Variants in SYNE1 observed in about 807,000 individuals in gnomAD.
SYNE1 encodes spectrin repeat containing nuclear envelope protein 1, also known as nesprin-1.
Under a neutral mutation model 1,111.0 loss-of-function variants are expected in SYNE1, and 616 were observed. That is an observed-to-expected ratio of 0.55 (90% CI 0.52 to 0.59). SYNE1 has a LOEUF of 0.59. SYNE1 is among the 20% of genes least tolerant of loss of function. The pLI, the probability that SYNE1 is intolerant of heterozygous loss-of-function variation, is 0.00. For synonymous variants in SYNE1, 3,855 were observed against 3,825.8 expected, an observed-to-expected ratio of 1.01 and a Z score of -0.28; for missense variants, 10,006 against 10,417.0, an observed-to-expected ratio of 0.96 and a Z score of 1.72.
In SYNE1 at chr6:152,603,307, T is replaced by C. The variant is rs189095150; in HGVS notation, c.67+24958A>G. Among the ~76,000 whole-genome samples, 662 of 152,316 alleles carry C rather than the reference T, an allele frequency of 4.3e-3. 6 individuals are homozygous for C. The highest frequency in any genetic ancestry group is 0.014 in the African/African-American group (585 of 41,570). On this transcript the variant is annotated intron_variant, in intron 3 of 145. Coordinates refer to ENST00000367255, the MANE Select transcript of SYNE1 (RefSeq NM_182961.4). ...GGGAGACTTTTTTGGCCTCCCTCCC[T>C]GATTTCCACGCCATATTCTGCAACA... is the stretch of plus-strand genomic sequence containing the variant.
chr6:152,206,207 C>A lies in SYNE1; in HGVS notation c.22980G>T (p.Arg7660=). 1 of 1,613,766 alleles carries A rather than the reference C, an allele frequency of 6.2e-7. No individual in the cohort carries two copies. The highest frequency in any genetic ancestry group is 8.5e-7 in the Non-Finnish European group (1 of 1,180,022). The part of the protein sequence containing the change: ...IQEKWKSASM[R]LEEQKKKLAF... ...CTAGTTTTTTCTTCTGTTCTTCCAG[C>A]CGCATGCTGGCTGATTTCCATTTCT... Residue 7660 remains arginine (R), a synonymous_variant, in exon 126 of 146, where the codon CGG becomes CGT. Coordinates refer to ENST00000367255, the MANE Select transcript of SYNE1 (RefSeq NM_182961.4).
rs370421580 is a variant in SYNE1 at position 152,149,519 on chromosome 6, G to A, written c.24600C>T (p.Phe8200=). 25 of 1,614,132 alleles carry A rather than the reference G, an allele frequency of 1.5e-5. No homozygotes were observed. Among genetic ancestry groups the A allele is most frequent in the South Asian group, 2.2e-5 (2 of 91,078 alleles). Residue 8200 remains phenylalanine (F), a synonymous_variant, in exon 136 of 146, where the codon TTC becomes TTT. Coordinates refer to ENST00000367255, the MANE Select transcript of SYNE1 (RefSeq NM_182961.4). The part of the protein sequence containing the change: ...DELRRYCQEV[F]GRVERYHKKL... ...TCTTATGGTATCTTTCCACACGCCC[G>A]AAGACCTCCTGGCAGTACCGTCGGA...
rs200854314 is a variant in SYNE1 at position 152,145,517 on chromosome 6, G to A, written c.24977-1752C>T. Reference sequence around the variant, plus strand: ...GTATTTTTGATTGCATTTTCTGTGAGTTTTACATAGGCCTCAGGGCTTTCG... The same window carrying A: ...GTATTTTTGATTGCATTTTCTGTGAATTTTACATAGGCCTCAGGGCTTTCG... On this transcript the variant is annotated intron_variant, in intron 137 of 145. Transcript: ENST00000367255. The A allele has an allele frequency of 6.6e-5, 106 of 1,614,094 alleles. No individual in the cohort carries two copies. Among genetic ancestry groups the A allele is most frequent in the Non-Finnish European group, 7.0e-5 (83 of 1,180,016 alleles).
At chr6:152,302,266 A>G in intron 91 of SYNE1, 1 of 681,356 alleles carries the variant, frequency 1.5e-6, no homozygotes, top group Non-Finnish European at 2.5e-6. Flanking sequence ...GGCACAGCCA[A>G]AGTGCCCGAG....
intron 6 of SYNE1, among the ~76,000 whole-genome samples, chr6:152,511,410 T>A (rs1394740021): frequency 6.6e-6 from 1 of 152,246 alleles, no homozygotes; most frequent in South Asian, 2.1e-4. Flanking sequence ...AAAAAAAATG[T>A]TATTATTTAT....
intron 2 of SYNE1, 68 bp from the exon 3 acceptor site, chr6:152,628,622 G>A: frequency 2.6e-6 from 1 of 387,966 alleles, no homozygotes; most frequent in Non-Finnish European, 4.7e-6. Flanking sequence ...AGTGCTAAAA[G>A]GAGAAATATT....
In SYNE1 at chr6:152,575,827, G is replaced by A. The variant is rs1332887160; in HGVS notation, c.68-35806C>T. Among the ~76,000 whole-genome samples the A allele has an allele frequency of 3.3e-5, 5 of 152,166 alleles. No homozygotes were observed. In the East Asian group the frequency reaches 9.7e-4, roughly 29 times the overall value. On this transcript the variant is annotated intron_variant, in intron 3 of 145. Transcript: ENST00000367255. The stretch of plus-strand genomic sequence containing the variant: ...ATGCAAAACACATAGCACAGTGCCT[G>A]GAATGTAATAGGCATTTAATGCATG...
intron 4 of SYNE1, among the ~76,000 whole-genome samples, chr6:152,532,205 C>T (rs2099206192): frequency 6.6e-6 from 1 of 152,130 alleles, no homozygotes; most frequent in Non-Finnish European, 1.5e-5. Flanking sequence ...CCGTATTGAC[C>T]AATATCATGC....
At chr6:152,513,530 T>C (rs1408841166) in intron 6 of SYNE1, among the ~76,000 whole-genome samples, 1 of 152,114 alleles carries the variant, frequency 6.6e-6, no homozygotes, top group Non-Finnish European at 1.5e-5. Context: ...GATGAAGTTT[T>C]GCCATGTTGG....
chr6:152,583,871 G>A (rs2099528524), intron 3 of SYNE1, among the ~76,000 whole-genome samples: 1 of 152,222 alleles, frequency 6.6e-6, no homozygotes, highest in South Asian at 2.1e-4. Context: ...TGGACTGGAG[G>A]TGAGGAGTCC....
intron 125 of SYNE1, among the ~76,000 whole-genome samples, chr6:152,207,753 G>A (rs1238950796): frequency 6.6e-6 from 1 of 152,210 alleles, no homozygotes; most frequent in Non-Finnish European, 1.5e-5. Flanking sequence ...AGTGTGTGAA[G>A]TGTAAGCAGC....
At chr6:152,215,785 G>A (rs1357592048) in intron 121 of SYNE1, among the ~76,000 whole-genome samples, 2 of 152,184 alleles carry the variant, frequency 1.3e-5, no homozygotes, top group East Asian at 3.9e-4. Context: ...AGGAAAGGGA[G>A]GCACAGAAAC....
At chr6:152,357,888 T>TTTC (rs1315108608) in intron 66 of SYNE1, among the ~76,000 whole-genome samples, 13 of 150,748 alleles carry the variant, frequency 8.6e-5, no homozygotes, top group African/African-American at 3.2e-4. Context: ...CTAACACTTA[T>TTTC]TTTTTTTTAC....
intron 130 of SYNE1, among the ~76,000 whole-genome samples, chr6:152,166,548 G>T (rs949860960): frequency 1.3e-5 from 2 of 152,150 alleles, no homozygotes; most frequent in Non-Finnish European, 2.9e-5. Flanking sequence ...CCATAGGACC[G>T]TCTACATTAG....
intron 59 of SYNE1, among the ~76,000 whole-genome samples, chr6:152,372,604 C>T (rs2097208411): frequency 6.6e-6 from 1 of 152,168 alleles, no homozygotes; most frequent in Non-Finnish European, 1.5e-5. Context: ...ATTGTTTCTG[C>T]ATACTTAATG....
chr6:152,173,417 G>T (rs1308303767), intron 130 of SYNE1, among the ~76,000 whole-genome samples: 1 of 152,202 alleles, frequency 6.6e-6, no homozygotes, highest in African/African-American at 2.4e-5. Context: ...GGACAGAAAT[G>T]TCGAAAGGCA....
chr6:152,143,921 G>T, intron 137 of SYNE1, 156 bp from the exon 138 acceptor site: 1 of 1,087,562 alleles, frequency 9.2e-7, no homozygotes, highest in Non-Finnish European at 1.3e-6. Context: ...CATCGTGCCG[G>T]TGGGTTAGAC....
intron 73 of SYNE1, among the ~76,000 whole-genome samples, chr6:152,344,779 T>A (rs1305842740): frequency 1.3e-5 from 2 of 152,162 alleles, no homozygotes; most frequent in Non-Finnish European, 2.9e-5. Context: ...AGGGCAAAAA[T>A]AATCCAGAAT....
At chr6:152,366,193 G>C (rs536694802) in intron 62 of SYNE1, among the ~76,000 whole-genome samples, 1 of 152,034 alleles carries the variant, frequency 6.6e-6, no homozygotes, top group Admixed American at 6.5e-5. Flanking sequence ...TTAGCCAGGC[G>C]TGGTGGTGCA....
Sources: allele counts gnomAD v4.1 joint callset (sites outside exome capture counted in the v4.1 genomes callset), GRCh38; gene constraint gnomAD v4.1.1; transcripts MANE v1.5; gene names NCBI Gene and HGNC (gene_info 2026-07-23, HGNC 2026-07-21).